The following HOXB3 variants were observed in gnomAD, a reference collection of about 807,000 sequenced individuals.
HOXB3 encodes homeobox protein Hox-B3.
Under a neutral mutation model 29.2 loss-of-function variants are expected in HOXB3, and 17 were observed. The observed-to-expected ratio is 0.58, with a 90% confidence interval of 0.40 to 0.87. The LOEUF (loss-of-function observed/expected upper bound fraction) is 0.87. Among genes scored for constraint, HOXB3 ranks in the 40% least tolerant of loss-of-function variants. HOXB3 has a pLI of 0.00. For synonymous variants in HOXB3, 317 were observed against 285.9 expected (o/e 1.11, Z -1.10); for missense variants, 637 against 616.3 (o/e 1.03, Z -0.35).
At position 48,556,105 on chromosome 17, in the gene HOXB3, C is replaced by T. The variant is rs557665705; in HGVS notation, c.-246-487G>A. On this transcript the variant is annotated intron_variant, in intron 2 of 4. Coordinates refer to ENST00000498678, the MANE Select transcript of HOXB3 (RefSeq NM_001384749.1). The stretch of plus-strand genomic sequence containing the variant: ...GGAAGGGGGGAAATTTTAAAATACC[C>T]GCCTCCCCAAAAAAAGAGTAAGAAG... Among the ~76,000 whole-genome samples the T allele has an allele frequency of 9.9e-5, 15 of 150,830 alleles. No homozygotes were observed. In the South Asian group the frequency reaches 2.5e-3, roughly 25 times the overall value.
chr17:48,567,811 CT>C (rs562804203), intron 2 of HOXB3, among the ~76,000 whole-genome samples: 3 of 152,190 alleles, frequency 2.0e-5, no homozygotes, highest in African/African-American at 7.2e-5. Flanking sequence ...GCTGAGGAAA[CT>C]TTTCTTTGTT....
In HOXB3 at chr17:48,550,361, T is replaced by C. The variant is rs567422189; in HGVS notation, c.1269A>G (p.Gln423=). 4.8e-5 allele frequency: 77 copies of C among 1,614,080 alleles called. No individual in the cohort carries two copies. Among genetic ancestry groups the C allele is most frequent in the Non-Finnish European group, 6.3e-5 (74 of 1,180,016 alleles). Residue 423 remains glutamine (Q), a synonymous_variant, in exon 5 of 5, where the codon CAA becomes CAG. Transcript: ENST00000498678. ...ACAGGTGTGTTAATTTGGGCGCTTC[T>C]TGGATTCTACCCTGAGGAGGAGGCG... ...HHAPPPQGRI[Q]EAPKLTHL
At chr17:48,556,526 A>G (rs1303247941) in intron 2 of HOXB3, 4 of 149,460 alleles carry the variant, frequency 2.7e-5, no homozygotes, top group African/African-American at 9.9e-5. Context: ...GTCTCTAACC[A>G]AGGGAGAGGG....
chr17:48,576,648 T>G, intron 1 of HOXB3: 20 of 529,824 alleles, frequency 3.8e-5, no homozygotes, highest in East Asian at 6.5e-5. Context: ...GGCCCCCTCC[T>G]GTCCCCCCAC....
chr17:48,558,833 C>T (rs954712423), intron 2 of HOXB3, among the ~76,000 whole-genome samples: 4 of 151,826 alleles, frequency 2.6e-5, no homozygotes, highest in African/African-American at 7.3e-5. Flanking sequence ...GCCATGATTT[C>T]GGAACAGACT....
chr17:48,555,201 G>C (rs1352932815), intron 3 of HOXB3, among the ~76,000 whole-genome samples: 1 of 151,988 alleles, frequency 6.6e-6, no homozygotes, highest in Non-Finnish European at 1.5e-5. Context: ...AAAATAACAA[G>C]AAAGGAAGAC....
At chr17:48,551,710 A>C (rs1195050301) in intron 4 of HOXB3, among the ~76,000 whole-genome samples, 1 of 152,210 alleles carries the variant, frequency 6.6e-6, no homozygotes, top group Non-Finnish European at 1.5e-5. Context: ...AATCATACTT[A>C]ATAATAATCA....
Position 48,551,108 on chromosome 17 carries a change from G to GCCGCCGCCA in HOXB3, c.513_521dup (p.Gly176_Gly178dup). ...GGGGGCTCTTGTCCCCTCCCCCGCC[G>GCCGCCGCCA]CCGCCGCCACCGCCCCCGCTGCCAC... On this transcript the variant is annotated inframe_insertion, in exon 5 of 5. Transcript: ENST00000498678. The GCCGCCGCCA allele has an allele frequency of 7.3e-7, 1 of 1,367,998 alleles. No homozygotes were observed. Among genetic ancestry groups the GCCGCCGCCA allele is most frequent in the Non-Finnish European group, 9.4e-7 (1 of 1,058,412 alleles). The allele number at this position is 1,367,998 out of a possible 1,614,324, so 84.7% of individuals were successfully genotyped here.
chr17:48,556,300 G>C (rs2144774095), intron 2 of HOXB3: 1 of 153,062 alleles, frequency 6.5e-6, no homozygotes, highest in South Asian at 2.1e-4. Context: ...GTAGTATTTG[G>C]AGGCTGAGTC....
At chr17:48,564,698 C>G (rs1053485206) in intron 2 of HOXB3, among the ~76,000 whole-genome samples, 3 of 152,214 alleles carry the variant, frequency 2.0e-5, no homozygotes, top group African/African-American at 7.2e-5. Flanking sequence ...GGCGGGCACA[C>G]CGGCGACTCT....
At chr17:48,557,084 G>C (rs923474166) in intron 2 of HOXB3, 2 of 152,410 alleles carry the variant, frequency 1.3e-5, no homozygotes, top group East Asian at 3.8e-4. Context: ...TTTGGGACAG[G>C]GGGTGGGGAA....
At chr17:48,577,077 A>G (rs1022306311) in intron 1 of HOXB3, 36 of 1,471,122 alleles carry the variant, frequency 2.4e-5, no homozygotes, top group Non-Finnish European at 3.2e-5. Context: ...CGAAAGAGAG[A>G]GTCCTTTCTT....
intron 1 of HOXB3, chr17:48,577,102 GT>G: frequency 7.4e-7 from 1 of 1,349,500 alleles, no homozygotes; most frequent in African/African-American, 1.5e-5. Context: ...GGAACACAGC[GT>G]TTCCCTCCCT....
At chr17:48,585,666 T>C (rs1463668080) in intron 1 of HOXB3, among the ~76,000 whole-genome samples, 2 of 152,162 alleles carry the variant, frequency 1.3e-5, no homozygotes, top group Non-Finnish European at 2.9e-5. Context: ...CACCTCTCCC[T>C]GGGAAGGATT....
intron 1 of HOXB3, among the ~76,000 whole-genome samples, chr17:48,583,821 G>T (rs981520382): frequency 1.3e-5 from 2 of 152,302 alleles, no homozygotes; most frequent in Middle Eastern, 3.4e-3. Flanking sequence ...CTCACCTAAG[G>T]ACTAAGCAGA....
At chr17:48,574,978 C>G (rs1247882894) in intron 1 of HOXB3, 5 of 152,128 alleles carry the variant, frequency 3.3e-5, no homozygotes, top group Non-Finnish European at 7.4e-5. Context: ...CTGCAAACAC[C>G]CAGAAACATC....
intron 1 of HOXB3, among the ~76,000 whole-genome samples, chr17:48,588,203 G>A (rs549947621): frequency 2.0e-5 from 3 of 152,346 alleles, no homozygotes; most frequent in African/African-American, 7.2e-5. Context: ...CTGGGGTTCA[G>A]CTCAGGGAGC....
chr17:48,585,497 C>G (rs2070030164), intron 1 of HOXB3, among the ~76,000 whole-genome samples: 1 of 152,202 alleles, frequency 6.6e-6, no homozygotes, highest in South Asian at 2.1e-4. Context: ...CTCGCTGACG[C>G]CTCAGAGGCC....
intron 2 of HOXB3, among the ~76,000 whole-genome samples, chr17:48,569,070 CTT>C (rs1029349093): frequency 2.7e-5 from 4 of 150,008 alleles, no homozygotes; most frequent in African/African-American, 9.9e-5. Flanking sequence ...TCCCCCCTCT[CTT>C]TTTTTTTCTC....
Sources: gnomAD v4.1 joint callset for allele counts (sites outside exome capture counted in the v4.1 genomes callset) on GRCh38, gnomAD v4.1.1 for gene constraint, MANE v1.5 for transcripts, NCBI Gene and HGNC (gene_info 2026-07-23, HGNC 2026-07-21) for gene names.